The following REDIC1 variants were observed in gnomAD, a reference collection of about 807,000 sequenced individuals.
REDIC1 encodes the protein regulator of DNA class I crossover intermediates 1, also known as HEI10 Interacting Protein 1.
the REDIC1 span, among the ~76,000 whole-genome samples, chr12:39,679,056 T>C: frequency 6.6e-6 from 1 of 152,030 alleles, no homozygotes; most frequent in Non-Finnish European, 1.5e-5. Flanking sequence ...GGATGCCCAC[T>C]TTCACCACTT....
chr12:39,642,434 T>C, the REDIC1 span, among the ~76,000 whole-genome samples: 1 of 151,596 alleles, frequency 6.6e-6, no homozygotes, highest in Non-Finnish European at 1.5e-5. Flanking sequence ...CTCCCTTCCC[T>C]GTACCCACCC....
At chr12:39,905,796 G>C in the REDIC1 span, among the ~76,000 whole-genome samples, 1 of 142,872 alleles carries the variant, frequency 7.0e-6, no homozygotes, top group Non-Finnish European at 1.5e-5. Flanking sequence ...CCTTCAAAAG[G>C]TACTAGGCCT....
At chr12:39,712,557 G>GTGTATATACGTATATACGTATATA in the REDIC1 span, among the ~76,000 whole-genome samples, 146 of 139,966 alleles carry the variant, frequency 1.0e-3, no homozygotes, top group East Asian at 2.7e-3. Context: ...CACGACATAT[G>GTGTATATACGTATATACGTATATA]TGTATATACG....
the REDIC1 span, among the ~76,000 whole-genome samples, chr12:39,661,067 T>C: frequency 6.6e-6 from 1 of 152,186 alleles, no homozygotes; most frequent in African/African-American, 2.4e-5. Context: ...TGAAGTATGC[T>C]TAGGTTGATT....
chr12:39,703,949 G>C, the REDIC1 span, among the ~76,000 whole-genome samples: 4 of 152,194 alleles, frequency 2.6e-5, no homozygotes, highest in East Asian at 1.9e-4. Context: ...AGACTTAAAC[G>C]TTAGACCTAA....
chr12:39,834,055 T>G, the REDIC1 span, among the ~76,000 whole-genome samples: 1 of 152,180 alleles, frequency 6.6e-6, no homozygotes, highest in Admixed American at 6.6e-5. Flanking sequence ...GATCGTACCC[T>G]TTTGTTCTCC....
chr12:39,898,152 G>A, the REDIC1 span, among the ~76,000 whole-genome samples: 1 of 152,070 alleles, frequency 6.6e-6, no homozygotes, highest in Non-Finnish European at 1.5e-5. Context: ...CTTTCCATTT[G>A]TAGAAGTATT....
chr12:39,702,125 C>G, the REDIC1 span, among the ~76,000 whole-genome samples: 2 of 152,038 alleles, frequency 1.3e-5, no homozygotes, highest in Non-Finnish European at 2.9e-5. Context: ...CACAAAAAAC[C>G]CTTCAAAAAA....
chr12:39,827,016 G>A, the REDIC1 span, among the ~76,000 whole-genome samples: 149 of 146,114 alleles, frequency 1.0e-3, 1 homozygote, highest in South Asian at 0.022. Flanking sequence ...AAAAAGTAAT[G>A]GTAAAACCGC....
At chr12:39,885,065 G>T in the REDIC1 span, among the ~76,000 whole-genome samples, 2 of 152,330 alleles carry the variant, frequency 1.3e-5, no homozygotes, top group South Asian at 2.1e-4. Context: ...ACAGTGATAT[G>T]AATTGTGACT....
chr12:39,768,846 A>T, the REDIC1 span, among the ~76,000 whole-genome samples: 1 of 152,124 alleles, frequency 6.6e-6, no homozygotes, highest in Non-Finnish European at 1.5e-5. Context: ...GTGACAATAG[A>T]CTGGCTTGAT....
the REDIC1 span, among the ~76,000 whole-genome samples, chr12:39,628,355 T>C: frequency 6.6e-6 from 1 of 152,162 alleles, no homozygotes; most frequent in East Asian, 1.9e-4. Flanking sequence ...ACAAGATTAG[T>C]TGATCTTGGC....
chr12:39,715,938 G>C, the REDIC1 span, among the ~76,000 whole-genome samples: 4 of 151,856 alleles, frequency 2.6e-5, no homozygotes, highest in Non-Finnish European at 5.9e-5. Flanking sequence ...CTGCTTTTCG[G>C]GGGTATAAAT....
the REDIC1 span, among the ~76,000 whole-genome samples, chr12:39,646,087 A>G: frequency 6.6e-6 from 1 of 152,136 alleles, no homozygotes; most frequent in South Asian, 2.1e-4. Context: ...TCTTGGTGGA[A>G]GAAAAAGTAG....
chr12:39,754,382 A>T, the REDIC1 span: 2 of 152,192 alleles, frequency 1.3e-5, no homozygotes, highest in Admixed American at 1.3e-4. Flanking sequence ...GGGTCATTTG[A>T]CTTGGATTTT....
chr12:39,876,632 T>C, the REDIC1 span, among the ~76,000 whole-genome samples: 13 of 152,112 alleles, frequency 8.5e-5, no homozygotes, highest in African/African-American at 3.1e-4. Context: ...CTTAGTGACA[T>C]AGACACTATG....
At chr12:39,841,954 A>C in the REDIC1 span, among the ~76,000 whole-genome samples, 2 of 152,074 alleles carry the variant, frequency 1.3e-5, no homozygotes, top group South Asian at 4.1e-4. Flanking sequence ...TTTACCATGC[A>C]AAGAGGCTAT....
At chr12:39,705,155 C>G in the REDIC1 span, among the ~76,000 whole-genome samples, 6 of 151,674 alleles carry the variant, frequency 4.0e-5, no homozygotes, top group African/African-American at 1.2e-4. Context: ...AACAGGAATT[C>G]AAAGGATCAT....
chr12:39,850,313 G>C, the REDIC1 span, among the ~76,000 whole-genome samples: 1 of 152,262 alleles, frequency 6.6e-6, no homozygotes, highest in South Asian at 2.1e-4. Flanking sequence ...AAATAAGGCA[G>C]CCTCCGGATA....
Sources: allele counts gnomAD v4.1 joint callset (sites outside exome capture counted in the v4.1 genomes callset), GRCh38; gene constraint gnomAD v4.1.1; transcripts MANE v1.5; gene names NCBI Gene and HGNC (gene_info 2026-07-23, HGNC 2026-07-21).